Variants in PHF20 observed in about 807,000 individuals in gnomAD.
PHF20 encodes the protein PHD finger protein 20.
A neutral mutation model predicts 113.5 loss-of-function variants in PHF20; 23 were observed. The ratio of observed to expected loss-of-function variants is 0.20; its 90% CI spans 0.15 to 0.29. The LOEUF (loss-of-function observed/expected upper bound fraction) is 0.29, where lower values mean the gene tolerates loss of function less well. PHF20 is among the 10% of genes least tolerant of loss of function. The pLI, the probability that PHF20 is intolerant of heterozygous loss-of-function variation, is 1.00. For missense variants in PHF20, 943 were observed against 1,219.6 expected (o/e 0.77, Z 3.38); for synonymous variants, 434 against 457.3 (o/e 0.95, Z 0.65).
intron 6 of PHF20, among the ~76,000 whole-genome samples, chr20:35,864,119 G>A (rs1304070639): frequency 6.6e-6 from 1 of 152,132 alleles, no homozygotes; most frequent in East Asian, 1.9e-4. Flanking sequence ...TCTGGACTGA[G>A]CCTGCCATTG....
chr20:35,939,604 C>T (rs1400659568), intron 16 of PHF20, among the ~76,000 whole-genome samples: 1 of 152,178 alleles, frequency 6.6e-6, no homozygotes, highest in Non-Finnish European at 1.5e-5. Context: ...CTGGTTTCAT[C>T]AGTTTTCCCA....
At chr20:35,905,024 C>A (rs1055648821) in intron 10 of PHF20, among the ~76,000 whole-genome samples, 1 of 151,860 alleles carries the variant, frequency 6.6e-6, no homozygotes, top group African/African-American at 2.4e-5. Context: ...TGGGCTTCTC[C>A]GTGTTGGTCA....
chr20:35,825,266 C>T (rs1460856631), intron 2 of PHF20, among the ~76,000 whole-genome samples: 1 of 152,164 alleles, frequency 6.6e-6, no homozygotes, highest in Non-Finnish European at 1.5e-5. Flanking sequence ...AAGTGATTGT[C>T]CTGCCTCAGG....
At chr20:35,887,164 A>T (rs2054749583) in intron 9 of PHF20, among the ~76,000 whole-genome samples, 1 of 152,216 alleles carries the variant, frequency 6.6e-6, no homozygotes, top group Non-Finnish European at 1.5e-5. Context: ...AACATAGTGT[A>T]TGCTTACTAT....
chr20:35,792,635 C>T (rs375160009), intron 1 of PHF20, among the ~76,000 whole-genome samples: 1 of 152,044 alleles, frequency 6.6e-6, no homozygotes, highest in Non-Finnish European at 1.5e-5. Flanking sequence ...GGGAAGAGGT[C>T]CTACTTGAAC....
intron 9 of PHF20, among the ~76,000 whole-genome samples, chr20:35,876,679 A>G (rs886761212): frequency 6.6e-6 from 1 of 152,004 alleles, no homozygotes; most frequent in African/African-American, 2.4e-5. Flanking sequence ...CTAGAAGTTT[A>G]GAGGTCTCAG....
In PHF20 at chr20:35,807,435, C is replaced by T. The variant is rs2378410; in HGVS notation, c.83+5830C>T. 5.9e-3 allele frequency among the ~76,000 whole-genome samples: 900 copies of T among 151,288 alleles called. 12 individuals are homozygous for T. Among genetic ancestry groups the T allele is most frequent in the African/African-American group, 0.021 (851 of 41,130 alleles). ...TAGAGCGATTTGGGCTCACTGCAAC[C>T]TCCGCCTCCCAGGCTCAAGCAGTTC... On this transcript the variant is annotated intron_variant, in intron 2 of 17. Coordinates refer to ENST00000374012, the MANE Select transcript of PHF20 (RefSeq NM_016436.5).
intron 1 of PHF20, among the ~76,000 whole-genome samples, chr20:35,779,889 A>G (rs2041251886): frequency 1.3e-5 from 2 of 152,180 alleles, no homozygotes; most frequent in African/African-American, 4.8e-5. Flanking sequence ...TGGTCTGGAA[A>G]TGTGGGCATT....
At position 35,931,242 on chromosome 20, in the gene PHF20, G is replaced by A; in HGVS notation, c.2105-7G>A. 1 of 1,604,184 alleles carries A rather than the reference G, an allele frequency of 6.2e-7. No individual in the cohort carries two copies. Among genetic ancestry groups the A allele is most frequent in the African/African-American group, 1.3e-5 (1 of 74,928 alleles). On this transcript the variant is annotated splice_polypyrimidine_tract_variant and splice_region_variant and intron_variant, in intron 14 of 17. Transcript: ENST00000374012. ...TTGTTTTAACCCTCTTGTTGTCACT[G>A]CTGTAGGTCAGAGGCCTGGCTTCAA...
At chr20:35,876,902 C>G (rs2054533951) in intron 9 of PHF20, among the ~76,000 whole-genome samples, 1 of 151,594 alleles carries the variant, frequency 6.6e-6, no homozygotes. Context: ...GTCAGGAGAT[C>G]AAGACCATCC....
intron 2 of PHF20, among the ~76,000 whole-genome samples, chr20:35,823,245 C>G (rs964156252): frequency 6.6e-6 from 1 of 151,862 alleles, no homozygotes; most frequent in African/African-American, 2.4e-5. Flanking sequence ...TAGTAAAATT[C>G]GCTCTTTTTC....
intron 1 of PHF20, among the ~76,000 whole-genome samples, chr20:35,790,072 G>T (rs1316395341): frequency 3.3e-5 from 5 of 151,584 alleles, no homozygotes; most frequent in African/African-American, 1.2e-4. Flanking sequence ...GGCCAGGCTG[G>T]TCTTGAATTT....
At chr20:35,905,732 C>T (rs1230559029) in intron 10 of PHF20, among the ~76,000 whole-genome samples, 2 of 152,186 alleles carry the variant, frequency 1.3e-5, no homozygotes, top group Non-Finnish European at 2.9e-5. Context: ...GGACCAGAAG[C>T]CGGGAAGAGG....
At position 35,938,797 on chromosome 20, in the gene PHF20, A is replaced by G. The variant is rs556793405; in HGVS notation, c.2401A>G (p.Arg801Gly). Residue 801 changes from arginine (R) to glycine (G), a missense_variant, in exon 16 of 18, where the codon AGG becomes GGG. Arg to Gly is a moderately radical substitution (Grantham distance 125). Transcript: ENST00000374012. ...HFRNIPVTDT[R>G]SKEEAPSYRT... The stretch of plus-strand genomic sequence containing the variant: ...CAGAAACATCCCTGTCACTGACACC[A>G]GGAGCAAGGAGGAAGCTCCAAGCTA... 6 of 1,614,212 alleles carry G rather than the reference A, an allele frequency of 3.7e-6. No homozygotes were observed. The Admixed American group carries it at 1.0e-4, about 27-fold the overall frequency.
chr20:35,810,097 T>G (rs1034300479), intron 2 of PHF20, among the ~76,000 whole-genome samples: 2 of 152,086 alleles, frequency 1.3e-5, no homozygotes, highest in Non-Finnish European at 2.9e-5. Flanking sequence ...ACCCAGCTAA[T>G]TTTTGTATTT....
At chr20:35,852,465 T>C (rs990464123) in intron 4 of PHF20, among the ~76,000 whole-genome samples, 1 of 152,128 alleles carries the variant, frequency 6.6e-6, no homozygotes, top group African/African-American at 2.4e-5. Context: ...TAGATGAGTG[T>C]TGTATTGGCC....
rs144069551 is a variant in PHF20 at position 35,825,970 on chromosome 20, G to A, written c.84-16603G>A. On this transcript the variant is annotated intron_variant, in intron 2 of 17. Transcript: ENST00000374012. ...AGATATGGACCATTATGGGCACTCC[G>A]GAAGCTTTTTTGTCCCTCTCCTACC... 3.1e-4 allele frequency among the ~76,000 whole-genome samples: 47 copies of A among 152,200 alleles called. No individual in the cohort carries two copies. The East Asian group carries it at 8.1e-3, about 26-fold the overall frequency.
intron 9 of PHF20, among the ~76,000 whole-genome samples, chr20:35,889,482 C>T (rs370723217): frequency 6.6e-6 from 1 of 152,000 alleles, no homozygotes; most frequent in Non-Finnish European, 1.5e-5. Context: ...GTGCCTCAGC[C>T]TCCCGAGTAG....
At chr20:35,836,388 T>G (rs1232935755) in intron 2 of PHF20, among the ~76,000 whole-genome samples, 1 of 152,174 alleles carries the variant, frequency 6.6e-6, no homozygotes, top group African/African-American at 2.4e-5. Flanking sequence ...AGCTTGTTTT[T>G]TAAAAACTTA....
Sources: allele counts gnomAD v4.1 joint callset (sites outside exome capture counted in the v4.1 genomes callset), GRCh38; gene constraint gnomAD v4.1.1; transcripts MANE v1.5; gene names NCBI Gene and HGNC (gene_info 2026-07-23, HGNC 2026-07-21).